The following UTS2B variants were observed in gnomAD, a reference collection of about 807,000 sequenced individuals.
The protein encoded by UTS2B is urotensin 2B.
UTS2B carries 21 observed loss-of-function variants against 19.2 expected under a neutral mutation model. The ratio of observed to expected loss-of-function variants is 1.09; its 90% CI spans 0.78 to 1.58. The LOEUF is 1.58. Ranked by LOEUF, UTS2B falls within the 40% of genes most tolerant of loss-of-function variation. UTS2B has a pLI of 0.00. For missense variants in UTS2B, 138 were observed against 130.3 expected (o/e 1.06, Z -0.29); for synonymous variants, 57 against 50.2 (o/e 1.14, Z -0.58).
intron 5 of UTS2B, among the ~76,000 whole-genome samples, chr3:191,281,153 T>C (rs561823347): frequency 2.6e-5 from 4 of 152,190 alleles, no homozygotes; most frequent in Non-Finnish European, 4.4e-5. Context: ...TCTAATGTCA[T>C]GTAAACAAAA....
At chr3:191,291,997 T>A (rs10937471) in intron 4 of UTS2B, among the ~76,000 whole-genome samples, 58,603 of 151,888 alleles carry the variant, frequency 0.39, 11,828 homozygotes, top group East Asian at 0.64. Flanking sequence ...TAATGTAGCT[T>A]TGTAGTAAGC....
chr3:191,280,872 T>C (rs369493625), intron 5 of UTS2B, among the ~76,000 whole-genome samples: 7 of 152,302 alleles, frequency 4.6e-5, no homozygotes, highest in African/African-American at 1.7e-4. Flanking sequence ...AAGAGCAACG[T>C]AGACCTACCA....
Position 191,289,450 on chromosome 3 carries a change from AAAAC to A in UTS2B, c.-124-7141_-124-7138del, listed in dbSNP as rs375065216. On this transcript the variant is annotated intron_variant, in intron 4 of 8. Coordinates refer to ENST00000340524, the MANE Select transcript of UTS2B (RefSeq NM_198152.5). ...AATAAATAAATAAATAAATAAATAA[AAAAC>A]AAACGAAATTAATATGTTCAGTGCT... Among the ~76,000 whole-genome samples the A allele has an allele frequency of 6.4e-3, 928 of 143,998 alleles. 19 individuals carry two copies. The highest frequency in any genetic ancestry group is 9.3e-3 in the South Asian group (42 of 4,540). 94.5% of individuals were successfully genotyped at this position (143,998 alleles called of 152,430 possible). A position where few individuals can be genotyped will look rare whatever the true frequency, so the allele number is the denominator to read the frequency against.
intron 8 of UTS2B, among the ~76,000 whole-genome samples, chr3:191,274,000 G>C (rs1400171696): frequency 6.6e-6 from 1 of 152,102 alleles, no homozygotes; most frequent in Non-Finnish European, 1.5e-5. Context: ...TACTTGGGAG[G>C]CTGAGGCAGG....
chr3:191,298,527 C>T (rs1034705704), intron 4 of UTS2B, among the ~76,000 whole-genome samples: 4 of 152,168 alleles, frequency 2.6e-5, no homozygotes, highest in African/African-American at 9.7e-5. Flanking sequence ...CTGAGGCCTC[C>T]CCAGAGCCAT....
At chr3:191,343,687 A>G in the UTS2B span, among the ~76,000 whole-genome samples, 1 of 152,198 alleles carries the variant, frequency 6.6e-6, no homozygotes, top group South Asian at 2.1e-4. Flanking sequence ...ATCTAGGAGA[A>G]TGTTTCTTCA....
At chr3:191,332,356 AC>A, upstream of UTS2B, among the ~76,000 whole-genome samples, 1 of 152,206 alleles carries the variant, frequency 6.6e-6, no homozygotes, top group African/African-American at 2.4e-5. Flanking sequence ...AAACTGGGAG[AC>A]AAAGGGAAAT....
intron 3 of UTS2B, among the ~76,000 whole-genome samples, chr3:191,311,029 A>G (rs895143620): frequency 6.6e-6 from 1 of 152,288 alleles, no homozygotes; most frequent in Non-Finnish European, 1.5e-5. Flanking sequence ...AAGTATGTCC[A>G]TCTAGATTAT....
chr3:191,289,447 T>TAAATAAATAAAAA (rs1206575948), intron 4 of UTS2B, among the ~76,000 whole-genome samples: 1 of 144,584 alleles, frequency 6.9e-6, no homozygotes, highest in East Asian at 2.0e-4. Context: ...AATAAATAAA[T>TAAATAAATAAAAA]AAAAAACAAA....
chr3:191,331,769 A>G (rs1388134570), upstream of UTS2B, among the ~76,000 whole-genome samples: 2 of 152,214 alleles, frequency 1.3e-5, no homozygotes, highest in African/African-American at 4.8e-5. Flanking sequence ...ACTCTTAATT[A>G]TGGCCCAGTT....
At chr3:191,295,031 AAACAACAAC>A (rs72344345) in intron 4 of UTS2B, among the ~76,000 whole-genome samples, 3 of 151,100 alleles carry the variant, frequency 2.0e-5, no homozygotes, top group Admixed American at 1.3e-4. Context: ...ACTCCGTCTT[AAACAACAAC>A]AACAACAACA....
At chr3:191,327,928 T>C (rs1717792283) in intron 2 of UTS2B, among the ~76,000 whole-genome samples, 1 of 152,212 alleles carries the variant, frequency 6.6e-6, no homozygotes, top group Non-Finnish European at 1.5e-5. Flanking sequence ...CTGAGTGTTA[T>C]CTCTGCCTAG....
intron 4 of UTS2B, among the ~76,000 whole-genome samples, chr3:191,283,218 C>A (rs955548494): frequency 6.6e-6 from 1 of 152,156 alleles, no homozygotes; most frequent in Admixed American, 6.5e-5. Flanking sequence ...TTTTCCTTTA[C>A]AGTTTCATTT....
chr3:191,308,689 T>C (rs1717209798), intron 3 of UTS2B, among the ~76,000 whole-genome samples: 1 of 152,192 alleles, frequency 6.6e-6, no homozygotes. Context: ...CAAATTTCTC[T>C]TTAGGACAAA....
At chr3:191,323,816 A>T (rs1490442894) in intron 2 of UTS2B, among the ~76,000 whole-genome samples, 1 of 152,188 alleles carries the variant, frequency 6.6e-6, no homozygotes, top group Non-Finnish European at 1.5e-5. Flanking sequence ...GTATAATTGA[A>T]GAATTGTTGA....
Position 191,271,635 on chromosome 3 carries a change from ACT to A in UTS2B, c.335-3196_335-3195del, listed in dbSNP as rs200955696. On this transcript the variant is annotated intron_variant, in intron 8 of 8. Transcript: ENST00000340524. ...TACTCCTACTCAGCCTCTTTTGTTG[ACT>A]CTGCCTCATCTGCTCAGTTTCTTCC... Among the ~76,000 whole-genome samples, 11 of 151,554 alleles carry A rather than the reference ACT, an allele frequency of 7.3e-5. No homozygotes were observed. The East Asian group carries it at 2.1e-3, about 29-fold the overall frequency.
intron 4 of UTS2B, among the ~76,000 whole-genome samples, chr3:191,300,081 C>T (rs557586147): frequency 1.3e-5 from 2 of 151,008 alleles, no homozygotes; most frequent in South Asian, 2.1e-4. Context: ...ACGGAGTTTT[C>T]GCTCTTTCAC....
chr3:191,282,444 T>C, intron 4 of UTS2B, 131 bp from the exon 5 acceptor site: 1 of 376,130 alleles, frequency 2.7e-6, no homozygotes, highest in Middle Eastern at 7.4e-4. Flanking sequence ...ACCCAATCAA[T>C]ACATCTCATA....
chr3:191,327,599 G>A lies in UTS2B; in HGVS notation c.-586+1032C>T, dbSNP rs1041990628. Among the ~76,000 whole-genome samples, 6 of 152,122 alleles carry A rather than the reference G, an allele frequency of 3.9e-5. No individual in the cohort carries two copies. The South Asian group carries it at 1.0e-3, about 26-fold the overall frequency. On this transcript the variant is annotated intron_variant, in intron 2 of 8. Transcript: ENST00000340524. ...GGGACAGGACTGTGGCCAAAATTTTGGGTTAAAGGAAAGAAGAATACTCTG... is the reference window on the plus strand; with the variant it reads ...GGGACAGGACTGTGGCCAAAATTTTAGGTTAAAGGAAAGAAGAATACTCTG...
Sources: allele counts gnomAD v4.1 joint callset (sites outside exome capture counted in the v4.1 genomes callset), GRCh38; gene constraint gnomAD v4.1.1; transcripts MANE v1.5; gene names NCBI Gene and HGNC (gene_info 2026-07-23, HGNC 2026-07-21).